The following APOLD1 variants were observed in gnomAD, a reference collection of about 807,000 sequenced individuals.
APOLD1 encodes apolipoprotein L domain containing 1, also known as apolipoprotein L domain-containing protein 1.
Under a neutral mutation model 15.3 loss-of-function variants are expected in APOLD1, and 22 were observed. That is an observed-to-expected ratio of 1.44 (90% CI 1.03 to 2.05). The LOEUF is 2.05. Among genes scored for constraint, APOLD1 ranks in the 30% most tolerant of loss-of-function variants. APOLD1 has a pLI of 0.00. For missense variants in APOLD1, 394 were observed against 353.5 expected (o/e 1.11, Z -0.92); for synonymous variants, 190 against 167.4 (o/e 1.13, Z -1.04).
intron 1 of APOLD1, 117 bp downstream of exon 1, chr12:12,785,811 C>A: frequency 9.8e-7 from 1 of 1,022,454 alleles, no homozygotes; most frequent in Non-Finnish European, 1.5e-6. Context: ...AAATTAAGTC[C>A]TGTGAATAAG....
chr12:12,745,088 C>CT (rs1404461643), intron 1 of APOLD1, among the ~76,000 whole-genome samples: 1 of 152,108 alleles, frequency 6.6e-6, no homozygotes, highest in Admixed American at 6.5e-5. Context: ...CCCTTCCTGT[C>CT]TAAAAAAAGT....
At position 12,787,087 on chromosome 12, in the gene APOLD1, C is replaced by A. The variant is rs757242490; in HGVS notation, c.182C>A (p.Ser61Ter). ...RSLVANVAGS[S>*]LSATGALAAI... The stretch of plus-strand genomic sequence containing the variant: ...CTCGTAGCCAACGTGGCCGGCAGCT[C>A]GCTGAGCGCAACGGGCGCCCTCGCC... The change falls in exon 2 of 2, where the codon TCG (serine) becomes TAG (stop). Residue 61 changes from serine to a stop codon, truncating the protein, a stop_gained. Coordinates refer to ENST00000356591, the MANE Select transcript of APOLD1 (RefSeq NM_030817.3). LOFTEE classifies it high-confidence loss of function. This position sits in a 1 kb window ranked among gnomAD's most constrained non-coding sequence, Gnocchi z 4.9. The A allele has an allele frequency of 4.3e-6, 6 of 1,401,096 alleles. No individual in the cohort carries two copies. Among genetic ancestry groups the A allele is most frequent in the South Asian group, 3.1e-5 (2 of 63,552 alleles). The allele number at this position is 1,401,096 out of a possible 1,614,324, so 86.8% of individuals were successfully genotyped here.
chr12:12,764,401 A>G (rs1460044952), intron 1 of APOLD1, among the ~76,000 whole-genome samples: 1 of 152,176 alleles, frequency 6.6e-6, no homozygotes, highest in Non-Finnish European at 1.5e-5. Flanking sequence ...TTTTAAGTGG[A>G]AAAAAAGTTG....
rs757480433 is a variant in APOLD1 at position 12,730,061 on chromosome 12, TGTGTGTGTGTGTGTGTGAGA to T, written c.96+3967_96+3986del. 4.3e-3 allele frequency among the ~76,000 whole-genome samples: 460 copies of T among 108,140 alleles called. 4 individuals carry two copies. Among genetic ancestry groups the T allele is most frequent in the African/African-American group, 9.5e-3 (285 of 29,998 alleles). The allele number at this position is 108,140 out of a possible 152,430, so 70.9% of individuals were successfully genotyped here. ...GTGTGTGTGTGTGTGTGTGTGTGTGTGTGTGTGTGTGTGTGTGAGAGAGAGAGAGAGAGAGACAGACAGGT... is the reference window on the plus strand; with the variant it reads ...GTGTGTGTGTGTGTGTGTGTGTGTGTGAGAGAGAGAGAGAGACAGACAGGT... On this transcript the variant is annotated intron_variant, in intron 1 of 1. Coordinates refer to the APOLD1 transcript ENST00000326765.
chr12:12,772,347 A>C (rs1377100309), intron 1 of APOLD1, among the ~76,000 whole-genome samples: 3 of 152,240 alleles, frequency 2.0e-5, no homozygotes, highest in African/African-American at 4.8e-5. Context: ...TGCTTATGTC[A>C]GACAGAACAG....
intron 1 of APOLD1, among the ~76,000 whole-genome samples, chr12:12,775,293 G>T (rs530511404): frequency 6.6e-6 from 1 of 152,334 alleles, no homozygotes; most frequent in Admixed American, 6.5e-5. Context: ...GGGGTTAGGA[G>T]GGAGGGAGGG....
intron 1 of APOLD1, among the ~76,000 whole-genome samples, chr12:12,777,658 G>A (rs1947046506): frequency 9.3e-6 from 1 of 107,178 alleles, no homozygotes; most frequent in Non-Finnish European, 2.0e-5. Context: ...CATTTCCTTT[G>A]AGCATCACTC....
At chr12:12,759,849 A>G (rs1183651739) in intron 1 of APOLD1, among the ~76,000 whole-genome samples, 1 of 152,220 alleles carries the variant, frequency 6.6e-6, no homozygotes, top group African/African-American at 2.4e-5. Context: ...GGAAGATGCT[A>G]AATTTCTACT....
At chr12:12,756,474 G>C (rs1946858495) in intron 1 of APOLD1, among the ~76,000 whole-genome samples, 1 of 152,138 alleles carries the variant, frequency 6.6e-6, no homozygotes, top group African/African-American at 2.4e-5. Context: ...AAATTGTATA[G>C]TGAATTCCCT....
intron 1 of APOLD1, among the ~76,000 whole-genome samples, chr12:12,748,591 A>AT (rs1170929769): frequency 6.6e-6 from 1 of 152,056 alleles, no homozygotes; most frequent in African/African-American, 2.4e-5. Context: ...AACACTTATC[A>AT]TTTTTTTGGG....
At chr12:12,751,302 TA>T (rs897388588) in intron 1 of APOLD1, among the ~76,000 whole-genome samples, 1 of 152,096 alleles carries the variant, frequency 6.6e-6, no homozygotes, top group African/African-American at 2.4e-5. Context: ...GCTGAATGGT[TA>T]AACCAATGTC....
intron 1 of APOLD1, among the ~76,000 whole-genome samples, chr12:12,762,518 C>G: frequency 6.6e-6 from 1 of 151,950 alleles, no homozygotes; most frequent in East Asian, 1.9e-4. Context: ...CCACACCCAG[C>G]TAATTTTTGT....
intron 1 of APOLD1, among the ~76,000 whole-genome samples, chr12:12,757,017 CCT>C (rs1946861942): frequency 6.6e-6 from 1 of 152,132 alleles, no homozygotes; most frequent in South Asian, 2.1e-4. Context: ...AAACTCCTGA[CCT>C]TAGGTGATCC....
At chr12:12,786,230 C>G (rs1205603202) in intron 1 of APOLD1, among the ~76,000 whole-genome samples, 4 of 152,074 alleles carry the variant, frequency 2.6e-5, no homozygotes, top group African/African-American at 7.2e-5. Flanking sequence ...TTAAATCAAG[C>G]ACCCAGCAAA....
upstream of APOLD1, among the ~76,000 whole-genome samples, chr12:12,782,575 G>A (rs1030407678): frequency 2.0e-5 from 3 of 152,202 alleles, no homozygotes; most frequent in African/African-American, 7.2e-5. Flanking sequence ...AATAAGGCAG[G>A]AGGATTGCTT....
chr12:12,737,691 G>T (rs181103411), intron 1 of APOLD1, among the ~76,000 whole-genome samples: 49 of 152,248 alleles, frequency 3.2e-4, no homozygotes, highest in African/African-American at 1.2e-3. Flanking sequence ...AGGGAGCTGG[G>T]CGCTTATCTT....
chr12:12,776,003 CA>C (rs34623976), intron 1 of APOLD1, among the ~76,000 whole-genome samples: 5,170 of 62,020 alleles, frequency 0.083, 58 homozygotes, highest in African/African-American at 0.14. Flanking sequence ...GACCCAGTCT[CA>C]AAAAAAAAAA....
At chr12:12,738,396 G>A (rs139954557) in intron 1 of APOLD1, among the ~76,000 whole-genome samples, 3 of 151,850 alleles carry the variant, frequency 2.0e-5, no homozygotes, top group Admixed American at 6.6e-5. Context: ...TTTAGAGATG[G>A]GGTCTCACTA....
Position 12,785,671 on chromosome 12 carries a change from C to T in APOLD1, c.-21C>T. The stretch of plus-strand genomic sequence containing the variant: ...CAGAAACAGCCTCAGATTTTACTTT[C>T]CTGGAGGCAGACAGAAGTGAATGGT... On this transcript the variant is annotated 5_prime_UTR_variant, in exon 1 of 2. Coordinates refer to ENST00000356591, the MANE Select transcript of APOLD1 (RefSeq NM_030817.3). 6.2e-7 allele frequency: 1 copy of T among 1,614,190 alleles called. No homozygotes were observed. Among genetic ancestry groups the T allele is most frequent in the Non-Finnish European group, 8.5e-7 (1 of 1,180,022 alleles).
Sources: gnomAD v4.1 joint callset for allele counts (sites outside exome capture counted in the v4.1 genomes callset) on GRCh38, gnomAD v4.1.1 for gene constraint, Gnocchi (gnomAD v3.1) non-coding constraint, MANE v1.5 for transcripts, NCBI Gene and HGNC (gene_info 2026-07-23, HGNC 2026-07-21) for gene names.